Variants in FCSK observed in about 807,000 individuals in gnomAD.
FCSK encodes L-fucose kinase.
In FCSK, 123 loss-of-function variants were observed where a neutral mutation model predicts 122.5. The ratio of observed to expected loss-of-function variants is 1.00; its 90% confidence interval spans 0.87 to 1.17. The LOEUF (loss-of-function observed/expected upper bound fraction) is 1.17, where lower values mean the gene tolerates loss of function less well. FCSK is among the 50% of genes most tolerant of loss of function. The pLI is 0.00. For synonymous variants in FCSK, 620 were observed against 625.5 expected, an observed-to-expected ratio of 0.99 and a Z score of 0.13; for missense variants, 1,366 against 1,450.4, an observed-to-expected ratio of 0.94 and a Z score of 0.95.
Position 70,466,135 on chromosome 16 carries a change from C to T in FCSK, c.289C>T (p.Arg97Ter), listed in dbSNP as rs772939990. ...TCACCAGTCCCCCGACTTCCAGGGTCGAGACTTCCCCTTTGATGACTGTGG... is the reference window on the plus strand; with the variant it reads ...TCACCAGTCCCCCGACTTCCAGGGTTGAGACTTCCCCTTTGATGACTGTGG... The part of the protein sequence containing the change: ...SAWILILHMG[R>*]DFPFDDCGRA... The change falls in exon 5 of 24, where the codon CGA (arginine) becomes TGA (stop). Residue 97 changes from arginine (R) to a stop codon, truncating the protein, a stop_gained. Transcript: ENST00000288078. LOFTEE classifies it high-confidence loss of function. 3.0e-5 allele frequency: 49 copies of T among 1,613,586 alleles called. No homozygotes were observed. Among genetic ancestry groups the T allele is most frequent in the Admixed American group, 1.8e-4 (11 of 59,980 alleles).
chr16:70,470,442 C>A lies in FCSK; in HGVS notation c.1068+16C>A. On this transcript the variant is annotated intron_variant, in intron 11 of 23. Coordinates refer to ENST00000288078, the MANE Select transcript of FCSK (RefSeq NM_145059.3). Reference sequence around the variant, plus strand: ...CCAGGTGGAGGTGAGACCTCCCTGCCCCTCCGGTGCCTGCTGGTTGTCTGG... The same window carrying A: ...CCAGGTGGAGGTGAGACCTCCCTGCACCTCCGGTGCCTGCTGGTTGTCTGG... The A allele has an allele frequency of 1.4e-6, 2 of 1,468,408 alleles. No homozygotes were observed. The highest frequency in any genetic ancestry group is 1.9e-6 in the Non-Finnish European group (2 of 1,053,518). The allele number at this position is 1,468,408 out of a possible 1,614,324, so 91.0% of individuals were successfully genotyped here. A position where few individuals can be genotyped will look rare whatever the true frequency, so the allele number is the denominator to read the frequency against.
chr16:70,461,871 G>A (rs919790660), intron 1 of FCSK, among the ~76,000 whole-genome samples: 2 of 152,218 alleles, frequency 1.3e-5, no homozygotes, highest in Middle Eastern at 3.2e-3. Context: ...CATCCGCCTT[G>A]GTGTCCACCT....
At chr16:70,455,504 C>CCCAA in intron 1 of FCSK, among the ~76,000 whole-genome samples, 1 of 150,930 alleles carries the variant, frequency 6.6e-6, no homozygotes, top group African/African-American at 2.4e-5. Flanking sequence ...ACAAAACAAA[C>CCCAA]CAACAACAAC....
chr16:70,471,211 G>T lies in FCSK; in HGVS notation c.1200G>T (p.Leu400Phe). ...CCATTCACATAGGCGCTGGCTGCTTGGTGACTGGCCTGGATACAGCCCACT... is the reference window on the plus strand; with the variant it reads ...CCATTCACATAGGCGCTGGCTGCTTTGTGACTGGCCTGGATACAGCCCACT... ...QGPIHIGAGCLVTGLDTAHSK... is the reference protein window; with the variant it reads ...QGPIHIGAGCFVTGLDTAHSK... Residue 400 changes from leucine (L) to phenylalanine (F), a missense_variant, in exon 13 of 24, where the codon TTG (leucine) becomes TTT (phenylalanine). Transcript: ENST00000288078. 1 of 1,607,664 alleles carries T rather than the reference G, an allele frequency of 6.2e-7. No homozygotes were observed.
At chr16:70,457,315 C>T (rs7191466) in intron 1 of FCSK, among the ~76,000 whole-genome samples, 6,614 of 151,984 alleles carry the variant, frequency 0.044, 498 homozygotes, top group African/African-American at 0.15. Context: ...AGTGCAGTGG[C>T]GTGATCTTGG....
Position 70,456,175 on chromosome 16 carries a change from A to AAAAAC in FCSK, c.-23+1565_-23+1569dup, listed in dbSNP as rs759564537. On this transcript the variant is annotated intron_variant, in intron 1 of 23. Transcript: ENST00000288078. ...GTGACAGAGCCGGACCCTGTTTCTC[A>AAAAAC]AAAACAAAACAAAACAAAACAAAAG... 5.5e-4 allele frequency among the ~76,000 whole-genome samples: 84 copies of AAAAAC among 152,362 alleles called. 1 individual carries two copies. The highest frequency in any genetic ancestry group is 3.4e-3 in the Middle Eastern group (1 of 294).
chr16:70,476,488 A>G (rs1054799575), intron 20 of FCSK, among the ~76,000 whole-genome samples: 3 of 151,416 alleles, frequency 2.0e-5, no homozygotes, highest in Admixed American at 1.3e-4. Flanking sequence ...ATGGTGGGAC[A>G]GCAAGAGCCC....
chr16:70,472,474 C>T, intron 13 of FCSK, 67 bp from the exon 14 acceptor site: 2 of 1,333,400 alleles, frequency 1.5e-6, no homozygotes, highest in South Asian at 1.3e-5. Flanking sequence ...TCCTGGCCCC[C>T]TGGCCGAGTG....
intron 15 of FCSK, 118 bp from the exon 16 acceptor site, chr16:70,474,011 C>A: frequency 1.1e-6 from 1 of 922,626 alleles, no homozygotes; most frequent in Non-Finnish European, 1.7e-6. Flanking sequence ...ACATTGTGGG[C>A]AAAAGCCAGG....
chr16:70,474,315 A>T lies in FCSK; in HGVS notation c.1964A>T (p.Gln655Leu). 1 of 1,613,568 alleles carries T rather than the reference A, an allele frequency of 6.2e-7. No individual in the cohort carries two copies. Among genetic ancestry groups the T allele is most frequent in the Non-Finnish European group, 8.5e-7 (1 of 1,179,942 alleles). ...GCAGCGGGCGTGGAGGCGCTTGCCC[A>T]GGAGAGGGACAAGTGGCTAAGCAGG... Reference protein sequence around the residue: ...DLAAGVEALAQERDKWLSRPA... With the variant: ...DLAAGVEALALERDKWLSRPA... The change falls in exon 16 of 24, where the codon CAG becomes CTG. Residue 655 changes from glutamine to leucine, a missense_variant. Transcript: ENST00000288078.
rs771936112 is a variant in FCSK at position 70,474,781 on chromosome 16, C to G, written c.2156-9C>G. The G allele has an allele frequency of 6.4e-7, 1 of 1,561,236 alleles. No homozygotes were observed. ...TGTGACCAGCTTGAGTCTTGCCACA[C>G]TGCCATAGGGGGCTGGAGTGACACG... On this transcript the variant is annotated splice_polypyrimidine_tract_variant and intron_variant, in intron 17 of 23. Coordinates refer to ENST00000288078, the MANE Select transcript of FCSK (RefSeq NM_145059.3).
In FCSK at chr16:70,472,592, A is replaced by G; in HGVS notation, c.1393A>G (p.Arg465Gly). The change falls in exon 14 of 24, where the codon AGG (arginine) becomes GGG (glycine). Residue 465 changes from arginine (R) to glycine (G), a missense_variant. Physicochemically the swap from Arg to Gly is moderately radical, Grantham distance 125. Transcript: ENST00000288078. Reference sequence around the variant, plus strand: ...CGTGCCCTGGAGTGAATTCTTCAAGAGGACAGGTGTTCGGTAAGGTGGACA... The same window carrying G: ...CGTGCCCTGGAGTGAATTCTTCAAGGGGACAGGTGTTCGGTAAGGTGGACA... ...LNVPWSEFFK[R>G]TGVRAWDLWD... 1.2e-6 allele frequency: 2 copies of G among 1,612,952 alleles called. No individual in the cohort carries two copies. The highest frequency in any genetic ancestry group is 1.7e-6 in the Non-Finnish European group (2 of 1,179,434).
At position 70,469,151 on chromosome 16, in the gene FCSK, G is replaced by A. The variant is rs1272996571; in HGVS notation, c.784-1G>A. 1 of 1,614,034 alleles carries A rather than the reference G, an allele frequency of 6.2e-7. No individual in the cohort carries two copies. ...AGCTGTGCTTCTTCCCCTTCCCCTAGCTGTCTCTGTTTTTTGACATTCTCC... is the reference window on the plus strand; with the variant it reads ...AGCTGTGCTTCTTCCCCTTCCCCTAACTGTCTCTGTTTTTTGACATTCTCC... On this transcript the variant is annotated splice_acceptor_variant, in intron 9 of 23. Transcript: ENST00000288078. LOFTEE classifies it high-confidence loss of function.
At chr16:70,466,011 G>T (rs2048406827) in intron 4 of FCSK, 121 bp from the exon 5 acceptor site, 2 of 1,027,530 alleles carry the variant, frequency 1.9e-6, no homozygotes, top group Non-Finnish European at 2.9e-6. Context: ...TATTGTAGGA[G>T]AAAATATCAA....
rs534492933 is a variant in FCSK, at chr16:70,480,229, G to C, written c.*549G>C. 6.5e-6 allele frequency: 1 copy of C among 153,776 alleles called. No homozygotes were observed. Among genetic ancestry groups the C allele is most frequent in the South Asian group, 2.1e-4 (1 of 4,864 alleles). 9.5% of individuals were successfully genotyped at this position (153,776 alleles called of 1,614,324 possible). On this transcript the variant is annotated 3_prime_UTR_variant, in exon 24 of 24. Coordinates refer to ENST00000288078, the MANE Select transcript of FCSK (RefSeq NM_145059.3). The stretch of plus-strand genomic sequence containing the variant: ...GTGACCTGGTGCCTGTGGGAAGTGG[G>C]TTCTCAGGACTGGCATTCTTGGAAT...
chr16:70,463,600 C>T, intron 2 of FCSK, 23 bp from the exon 3 acceptor site: 1 of 1,611,968 alleles, frequency 6.2e-7, no homozygotes. Context: ...GGGGGCAGGT[C>T]CCAGTGTCTC....
In FCSK at chr16:70,479,393, C is replaced by G; in HGVS notation, c.3143C>G (p.Ala1048Gly). The change falls in exon 23 of 24, where the codon GCC becomes GGC. Residue 1048 changes from alanine (A) to glycine (G), a missense_variant. By Grantham distance (60) the Ala-to-Gly change is moderately conservative. Coordinates refer to ENST00000288078, the MANE Select transcript of FCSK (RefSeq NM_145059.3). ...QQKEALEAVL[A>G]KTEGLGNYSI... ...AAGGAGGCCTTGGAGGCGGTGCTGG[C>G]CAAGACCGAGGTACTGATGGGGCTG... is the stretch of plus-strand genomic sequence containing the variant. 6.2e-7 allele frequency: 1 copy of G among 1,612,856 alleles called. No homozygotes were observed. Among genetic ancestry groups the G allele is most frequent in the Non-Finnish European group, 8.5e-7 (1 of 1,179,658 alleles).
At chr16:70,476,006 CCTT>C (rs1395704119) in intron 20 of FCSK, among the ~76,000 whole-genome samples, 1 of 152,028 alleles carries the variant, frequency 6.6e-6, no homozygotes, top group Admixed American at 6.6e-5. Flanking sequence ...TGTGCTGTGC[CCTT>C]TTTTTTTTTT....
At chr16:70,459,895 A>C (rs2048209654) in intron 1 of FCSK, among the ~76,000 whole-genome samples, 1 of 148,240 alleles carries the variant, frequency 6.7e-6, no homozygotes, top group Non-Finnish European at 1.5e-5. Context: ...TCTGTCTCCC[A>C]GGTTGAAGTG....
Sources: allele counts gnomAD v4.1 joint callset (sites outside exome capture counted in the v4.1 genomes callset), GRCh38; gene constraint gnomAD v4.1.1; transcripts MANE v1.5; gene names NCBI Gene and HGNC (gene_info 2026-07-23, HGNC 2026-07-21).